SLC24A2: variants seen among roughly 807,000 people sequenced by gnomAD.
SLC24A2 encodes sodium/potassium/calcium exchanger 2.
In SLC24A2, 36 loss-of-function variants were observed where a neutral mutation model predicts 62.0. The observed-to-expected ratio is 0.58, with a 90% CI of 0.44 to 0.77. The LOEUF is 0.77. SLC24A2 is among the 30% of genes least tolerant of loss of function. SLC24A2 has a pLI of 0.00. For missense variants in SLC24A2, 846 were observed against 817.9 expected (o/e 1.03, Z -0.42); for synonymous variants, 358 against 294.0 (o/e 1.22, Z -2.23).
At chr9:19,579,019 C>G (rs1371085937) in intron 5 of SLC24A2, among the ~76,000 whole-genome samples, 2 of 152,052 alleles carry the variant, frequency 1.3e-5, no homozygotes, top group Admixed American at 6.5e-5. Context: ...CTTGGGCTTC[C>G]TAAGGAGTGA....
At chr9:20,075,893 G>T in the SLC24A2 span, among the ~76,000 whole-genome samples, 2 of 152,100 alleles carry the variant, frequency 1.3e-5, no homozygotes, top group Non-Finnish European at 2.9e-5. Context: ...AAAATTCATG[G>T]ATACTCAAGT....
At chr9:20,080,072 A>G in the SLC24A2 span, among the ~76,000 whole-genome samples, 4 of 152,338 alleles carry the variant, frequency 2.6e-5, no homozygotes, top group East Asian at 1.9e-4. Context: ...TATAGATTCA[A>G]TGCCATCCCC....
the SLC24A2 span, among the ~76,000 whole-genome samples, chr9:20,179,474 C>T: frequency 9.8e-5 from 15 of 152,294 alleles, no homozygotes; most frequent in Non-Finnish European, 1.9e-4. Flanking sequence ...AGTTGCTGGT[C>T]CATGCCCAAG....
intron 2 of SLC24A2, among the ~76,000 whole-genome samples, chr9:19,673,791 A>G (rs932471947): frequency 6.6e-6 from 1 of 152,166 alleles, no homozygotes; most frequent in African/African-American, 2.4e-5. Flanking sequence ...AAAACAGCAG[A>G]TACTTGGTTG....
At chr9:19,855,539 C>T in the SLC24A2 span, among the ~76,000 whole-genome samples, 28 of 152,228 alleles carry the variant, frequency 1.8e-4, no homozygotes, top group South Asian at 4.4e-3. Flanking sequence ...ATTTTTCCTT[C>T]GCTTATGAAG....
chr9:20,142,514 G>A, the SLC24A2 span, among the ~76,000 whole-genome samples: 5 of 148,690 alleles, frequency 3.4e-5, no homozygotes, highest in Non-Finnish European at 5.9e-5. Flanking sequence ...AGCAATGAAC[G>A]ATAAAGTTTC....
rs573483109 is a variant in SLC24A2 at position 19,571,530 on chromosome 9, T to C, written c.1347+1821A>G. ...TAGAGAGTGCTTTCAAACTTTAGGG[T>C]AGTGCTACTCCAAGTATGGTCCTTG... On this transcript the variant is annotated intron_variant, in intron 7 of 10. Coordinates refer to ENST00000341998, the MANE Select transcript of SLC24A2 (RefSeq NM_020344.4). Among the ~76,000 whole-genome samples the C allele has an allele frequency of 2.9e-4, 44 of 152,224 alleles. No individual in the cohort carries two copies. The East Asian group carries it at 8.5e-3, about 29-fold the overall frequency.
chr9:19,556,939 A>G (rs530777454), intron 7 of SLC24A2, among the ~76,000 whole-genome samples: 22 of 152,334 alleles, frequency 1.4e-4, no homozygotes, highest in Non-Finnish European at 2.8e-4. Context: ...CACAACAGAC[A>G]AGCTGCAATC....
chr9:20,075,887 T>G, the SLC24A2 span, among the ~76,000 whole-genome samples: 1 of 152,180 alleles, frequency 6.6e-6, no homozygotes, highest in Non-Finnish European at 1.5e-5. Flanking sequence ...AATACCAAAA[T>G]TCATGGATAC....
At chr9:19,556,495 G>C (rs930080347) in intron 7 of SLC24A2, among the ~76,000 whole-genome samples, 12 of 152,196 alleles carry the variant, frequency 7.9e-5, no homozygotes, top group African/African-American at 2.9e-4. Flanking sequence ...TCTGAAAATA[G>C]GCCTAATTCA....
intron 9 of SLC24A2, among the ~76,000 whole-genome samples, chr9:19,525,391 CTTT>C (rs572919824): frequency 0.27 from 20,288 of 75,270 alleles, 2,561 homozygotes; most frequent in African/African-American, 0.31. Context: ...TATTTCTTTA[CTTT>C]TTTTTTTTTT....
the SLC24A2 span, among the ~76,000 whole-genome samples, chr9:19,962,455 A>G: frequency 4.6e-5 from 7 of 152,292 alleles, no homozygotes; most frequent in South Asian, 4.1e-4. Context: ...ACCTTGGGCA[A>G]TATGGCCATT....
chr9:19,983,446 C>G, the SLC24A2 span, among the ~76,000 whole-genome samples: 1 of 152,080 alleles, frequency 6.6e-6, no homozygotes, highest in African/African-American at 2.4e-5. Context: ...AGATCGAGAC[C>G]ATACTGGCCA....
At chr9:19,559,926 A>C (rs1284766279) in intron 7 of SLC24A2, among the ~76,000 whole-genome samples, 2 of 152,206 alleles carry the variant, frequency 1.3e-5, no homozygotes, top group East Asian at 3.8e-4. Context: ...CCATAAAATT[A>C]TTCACTACTG....
At chr9:19,820,894 A>G in the SLC24A2 span, among the ~76,000 whole-genome samples, 227 of 152,268 alleles carry the variant, frequency 1.5e-3, 3 homozygotes, top group Non-Finnish European at 2.3e-3. Flanking sequence ...GTTTTCTGCA[A>G]TATCAAGGAA....
At chr9:19,650,187 C>A (rs184911336) in intron 2 of SLC24A2, among the ~76,000 whole-genome samples, 73 of 152,294 alleles carry the variant, frequency 4.8e-4, no homozygotes, top group Non-Finnish European at 6.8e-4. Context: ...TTGGCAGATT[C>A]TTTGGCAACA....
the SLC24A2 span, among the ~76,000 whole-genome samples, chr9:19,819,424 G>T: frequency 6.6e-6 from 1 of 151,906 alleles, no homozygotes. Context: ...CCACAGAGTG[G>T]GACAAAATCT....
the SLC24A2 span, among the ~76,000 whole-genome samples, chr9:20,061,288 AT>A: frequency 0.14 from 19,945 of 145,862 alleles, 1,293 homozygotes; most frequent in East Asian, 0.22. Flanking sequence ...TGGTCAACTG[AT>A]TTTTTTTTTT....
the SLC24A2 span, among the ~76,000 whole-genome samples, chr9:19,993,641 C>T: frequency 9.2e-5 from 14 of 152,196 alleles, no homozygotes; most frequent in Admixed American, 1.3e-4. Flanking sequence ...TCTCCTCCTC[C>T]GTGAAGCTAA....
Sources: allele counts gnomAD v4.1 joint callset (sites outside exome capture counted in the v4.1 genomes callset), GRCh38; gene constraint gnomAD v4.1.1; transcripts MANE v1.5; gene names NCBI Gene and HGNC (gene_info 2026-07-23, HGNC 2026-07-21).